SLC71A2: variants seen among roughly 807,000 people sequenced by gnomAD.
The protein encoded by SLC71A2 is solute carrier family 71 member 2.
the SLC71A2 span, among the ~76,000 whole-genome samples, chr9:94,433,928 G>GAA: frequency 1.3e-5 from 2 of 152,208 alleles, no homozygotes; most frequent in South Asian, 4.1e-4. Context: ...CATAAACTTG[G>GAA]AAAGAACTAC....
chr9:94,429,698 C>T, the SLC71A2 span, among the ~76,000 whole-genome samples: 1 of 151,920 alleles, frequency 6.6e-6, no homozygotes, highest in African/African-American at 2.4e-5. Context: ...TTCATTATGT[C>T]GATTTTAATA....
At chr9:94,449,023 T>C in the SLC71A2 span, among the ~76,000 whole-genome samples, 1 of 152,232 alleles carries the variant, frequency 6.6e-6, no homozygotes, top group Non-Finnish European at 1.5e-5. Flanking sequence ...AAAATTATAC[T>C]TGTGTCTAAA....
At chr9:94,397,690 C>T in the SLC71A2 span, among the ~76,000 whole-genome samples, 1 of 152,094 alleles carries the variant, frequency 6.6e-6, no homozygotes, top group Non-Finnish European at 1.5e-5. Context: ...TTTCTGATGT[C>T]CTGGACAGTG....
At chr9:94,409,069 G>A in the SLC71A2 span, among the ~76,000 whole-genome samples, 5 of 148,590 alleles carry the variant, frequency 3.4e-5, no homozygotes, top group East Asian at 2.0e-4. Context: ...TCCTGACCTC[G>A]TGATCCGCCT....
At chr9:94,391,787 G>T in the SLC71A2 span, among the ~76,000 whole-genome samples, 1 of 151,536 alleles carries the variant, frequency 6.6e-6, no homozygotes, top group African/African-American at 2.4e-5. Context: ...TACTTGGGAG[G>T]CTGAGGCAGG....
chr9:94,415,311 A>G, the SLC71A2 span: 1 of 1,219,856 alleles, frequency 8.2e-7, no homozygotes, highest in Non-Finnish European at 1.2e-6. Context: ...GTTCTTAGGC[A>G]CGTATCACTG....
the SLC71A2 span, among the ~76,000 whole-genome samples, chr9:94,388,570 A>G: frequency 2.0e-5 from 3 of 152,220 alleles, no homozygotes; most frequent in African/African-American, 4.8e-5. Context: ...GTTAAAAGTG[A>G]TGAAATGACT....
the SLC71A2 span, among the ~76,000 whole-genome samples, chr9:94,420,449 G>A: frequency 6.6e-6 from 1 of 152,104 alleles, no homozygotes; most frequent in Non-Finnish European, 1.5e-5. Context: ...CTCCCAGTTT[G>A]TTTTATGCCT....
chr9:94,456,168 C>CTGAT, the SLC71A2 span: 3 of 997,020 alleles, frequency 3.0e-6, no homozygotes, highest in Non-Finnish European at 4.6e-6. Flanking sequence ...ACTTTTGCCA[C>CTGAT]TGATTGCATT....
the SLC71A2 span, among the ~76,000 whole-genome samples, chr9:94,435,117 G>A: frequency 6.6e-6 from 1 of 152,156 alleles, no homozygotes; most frequent in Non-Finnish European, 1.5e-5. Flanking sequence ...TATAATTACT[G>A]CTTTGCATAT....
At chr9:94,451,030 A>G in the SLC71A2 span, among the ~76,000 whole-genome samples, 2 of 152,080 alleles carry the variant, frequency 1.3e-5, no homozygotes, top group Non-Finnish European at 2.9e-5. Flanking sequence ...TGCTCTCCTT[A>G]TCCCTTGTCT....
At chr9:94,417,877 G>A in the SLC71A2 span, among the ~76,000 whole-genome samples, 4 of 33,050 alleles carry the variant, frequency 1.2e-4, no homozygotes, top group Admixed American at 4.4e-4. Context: ...CCCCCCCCCC[G>A]ACAGAGTCTT....
At chr9:94,426,741 T>G in the SLC71A2 span, among the ~76,000 whole-genome samples, 1 of 149,718 alleles carries the variant, frequency 6.7e-6, no homozygotes, top group East Asian at 1.9e-4. Context: ...GTTTCCTATT[T>G]TTTTCAGGCA....
At chr9:94,392,109 G>C in the SLC71A2 span, among the ~76,000 whole-genome samples, 1 of 151,540 alleles carries the variant, frequency 6.6e-6, no homozygotes, top group South Asian at 2.1e-4. Flanking sequence ...GTTGGAGGTA[G>C]AGACACTGGT....
chr9:94,415,667 T>C, the SLC71A2 span, among the ~76,000 whole-genome samples: 3 of 151,954 alleles, frequency 2.0e-5, no homozygotes, highest in Non-Finnish European at 4.4e-5. Flanking sequence ...CATCAGGCAT[T>C]ATTAGTTAGA....
chr9:94,452,529 G>A, the SLC71A2 span, among the ~76,000 whole-genome samples: 1 of 151,640 alleles, frequency 6.6e-6, no homozygotes, highest in Non-Finnish European at 1.5e-5. Flanking sequence ...CCTGGGAAGT[G>A]GAGGTTGCTG....
the SLC71A2 span, chr9:94,433,186 A>G: frequency 2.0e-5 from 5 of 254,572 alleles, no homozygotes; most frequent in South Asian, 1.4e-4. Flanking sequence ...TGGGATGGCT[A>G]CCATGGTGCT....
the SLC71A2 span, among the ~76,000 whole-genome samples, chr9:94,424,323 C>T: frequency 6.6e-6 from 1 of 152,070 alleles, no homozygotes; most frequent in Non-Finnish European, 1.5e-5. Flanking sequence ...CAACCTCCGC[C>T]TTCTGGGTTC....
the SLC71A2 span, among the ~76,000 whole-genome samples, chr9:94,429,866 C>T: frequency 6.6e-6 from 1 of 151,790 alleles, no homozygotes; most frequent in Non-Finnish European, 1.5e-5. Context: ...AAACAAAAGA[C>T]ATCATTCTAT....
Sources: allele counts gnomAD v4.1 joint callset (sites outside exome capture counted in the v4.1 genomes callset), GRCh38; gene constraint gnomAD v4.1.1; transcripts MANE v1.5; gene names NCBI Gene and HGNC (gene_info 2026-07-23, HGNC 2026-07-21).